DNAH10: variants seen among roughly 807,000 people sequenced by gnomAD.
DNAH10 encodes the protein axonemal beta dynein heavy chain 10.
A neutral mutation model predicts 506.6 loss-of-function variants in DNAH10; 348 were observed. The ratio of observed to expected loss-of-function variants is 0.69; its 90% CI spans 0.63 to 0.75. The LOEUF is 0.75. DNAH10 is among the 30% of genes least tolerant of loss of function. The pLI is 0.00. For synonymous variants in DNAH10, 2,059 were observed against 2,198.6 expected (o/e 0.94, Z 1.78); for missense variants, 5,179 against 5,787.1 (o/e 0.89, Z 3.41).
intron 37 of DNAH10, among the ~76,000 whole-genome samples, chr12:123,857,514 G>T (rs1296285399): frequency 6.6e-6 from 1 of 152,158 alleles, no homozygotes; most frequent in Non-Finnish European, 1.5e-5. Flanking sequence ...TGGATCACGA[G>T]GTCAAGAGAT....
Position 123,810,457 on chromosome 12 carries a change from T to C in DNAH10, c.3144+1504T>C, listed in dbSNP as rs11833937. ...CAGCACTTTGGGAGGCCGAGGTGGG[T>C]GGATCATGAGGTCAGGAGATTGAGA... On this transcript the variant is annotated intron_variant, in intron 19 of 78. Coordinates refer to ENST00000673944, the MANE Select transcript of DNAH10 (RefSeq NM_001372106.1). Among the ~76,000 whole-genome samples, 1,192 of 152,038 alleles carry C rather than the reference T, an allele frequency of 7.8e-3. 30 individuals are homozygous for C. Among genetic ancestry groups the C allele is most frequent in the African/African-American group, 0.027 (1,115 of 41,484 alleles).
rs759753915 is a variant in DNAH10, at chr12:123,924,357, T to C, written c.11691T>C (p.Leu3897=). 6.2e-7 allele frequency: 1 copy of C among 1,613,824 alleles called. No homozygotes were observed. Among genetic ancestry groups the C allele is most frequent in the South Asian group, 1.1e-5 (1 of 91,022 alleles). Residue 3897 remains leucine (L), a synonymous_variant, in exon 67 of 79, where the codon CTT becomes CTC. Transcript: ENST00000673944. The part of the protein sequence containing the change: ...LSDQGWEDII[L]LSEMFSDNFG... ...ACCAAGGATGGGAAGATATCATTCT[T>C]TTATCAGAAATGTTTTCAGACAACT...
intron 2 of DNAH10, among the ~76,000 whole-genome samples, chr12:123,769,002 G>C (rs1323580147): frequency 6.6e-6 from 1 of 152,196 alleles, no homozygotes; most frequent in African/African-American, 2.4e-5. Context: ...GCCTTCCAAA[G>C]TGTTGGGATT....
At position 123,762,787 on chromosome 12, in the gene DNAH10, C is replaced by T. The variant is rs1001987361; in HGVS notation, c.214+237C>T. ...TCAGGCCTTGATTGAAAAATCACAG[C>T]AAACACTGACTTAGCCCGCACCCCG... is the stretch of plus-strand genomic sequence containing the variant. On this transcript the variant is annotated intron_variant, in intron 1 of 78. Transcript: ENST00000673944. This position sits in a 1 kb window ranked among gnomAD's most constrained non-coding sequence, Gnocchi z 5.0. Among the ~76,000 whole-genome samples the T allele has an allele frequency of 6.6e-6, 1 of 152,368 alleles. No individual in the cohort carries two copies. The highest frequency in any genetic ancestry group is 1.5e-5 in the Non-Finnish European group (1 of 68,036).
intron 38 of DNAH10, 103 bp downstream of exon 38, chr12:123,859,371 G>A: frequency 1.0e-6 from 1 of 973,780 alleles, no homozygotes; most frequent in Non-Finnish European, 1.5e-6. Context: ...GATTTCCTGG[G>A]AGGGTAAATT....
intron 2 of DNAH10, among the ~76,000 whole-genome samples, chr12:123,771,314 C>T (rs1957244450): frequency 1.3e-5 from 2 of 152,068 alleles, no homozygotes; most frequent in Admixed American, 1.3e-4. Context: ...AGTAAAAAAC[C>T]TCAGAGAAGT....
At chr12:123,764,268 C>A (rs549817221) in intron 1 of DNAH10, among the ~76,000 whole-genome samples, 3 of 152,270 alleles carry the variant, frequency 2.0e-5, no homozygotes, top group Non-Finnish European at 4.4e-5. Context: ...ATCCCTAGTG[C>A]CATCTGGAGA....
chr12:123,845,499 C>A, intron 30 of DNAH10, 101 bp from the exon 31 acceptor site: 1 of 1,463,074 alleles, frequency 6.8e-7, no homozygotes, highest in South Asian at 1.4e-5. Context: ...TTTACTTTGC[C>A]CTCCCTATTC....
chr12:123,851,803 T>TGACAC (rs1951188246), intron 35 of DNAH10, among the ~76,000 whole-genome samples: 1 of 152,230 alleles, frequency 6.6e-6, no homozygotes, highest in Non-Finnish European at 1.5e-5. Flanking sequence ...AGACAGGGTC[T>TGACAC]TACTCTGTCA....
intron 39 of DNAH10, among the ~76,000 whole-genome samples, chr12:123,864,143 CTT>C (rs770676668): frequency 0.086 from 10,090 of 117,018 alleles, 347 homozygotes; most frequent in African/African-American, 0.14. Flanking sequence ...ACTTTTTTTT[CTT>C]TTTTTTTTTT....
In DNAH10 at chr12:123,894,705, G is replaced by T; in HGVS notation, c.9262G>T (p.Val3088Phe). The T allele has an allele frequency of 6.2e-7, 1 of 1,614,002 alleles. No homozygotes were observed. Among genetic ancestry groups the T allele is most frequent in the Non-Finnish European group, 8.5e-7 (1 of 1,179,874 alleles). Residue 3088 changes from valine (V) to phenylalanine (F), a missense_variant, in exon 54 of 79, where the codon GTC becomes TTC. Coordinates refer to ENST00000673944, the MANE Select transcript of DNAH10 (RefSeq NM_001372106.1). Reference sequence around the variant, plus strand: ...CTGGCCTCCCCAAGCCCTCCATGCGGTCGCAAAGTCCTTTCTAGGTAAGTC... The same window carrying T: ...CTGGCCTCCCCAAGCCCTCCATGCGTTCGCAAAGTCCTTTCTAGGTAAGTC... ...MPWPPQALHA[V>F]AKSFLGYNPM... is the part of the protein sequence containing the mutation.
chr12:123,834,300 C>A (rs560636322), intron 27 of DNAH10, among the ~76,000 whole-genome samples: 1 of 152,060 alleles, frequency 6.6e-6, no homozygotes, highest in African/African-American at 2.4e-5. Context: ...CTCTGCCAGC[C>A]GGATTCAAGT....
chr12:123,784,805 A>G (rs1004682381), intron 8 of DNAH10, among the ~76,000 whole-genome samples: 9 of 152,166 alleles, frequency 5.9e-5, no homozygotes, highest in Admixed American at 5.9e-4. Context: ...TGACTACTCT[A>G]GGGACTTCAT....
chr12:123,847,880 G>A, intron 32 of DNAH10, 81 bp from the exon 33 acceptor site: 1 of 1,520,214 alleles, frequency 6.6e-7, no homozygotes, highest in Non-Finnish European at 8.9e-7. Flanking sequence ...TGCACCTATA[G>A]TCACAGTGAT....
Position 123,857,232 on chromosome 12 carries a change from G to T in DNAH10, c.6615G>T (p.Ala2205=). The T allele has an allele frequency of 1.3e-6, 2 of 1,566,292 alleles. No homozygotes were observed. The highest frequency in any genetic ancestry group is 1.7e-6 in the Non-Finnish European group (2 of 1,153,302). Residue 2205 remains alanine (A), a synonymous_variant, in exon 37 of 79, where the codon GCG becomes GCT. Coordinates refer to ENST00000673944, the MANE Select transcript of DNAH10 (RefSeq NM_001372106.1). ...AGGTCCTGGAGGAGAACGGCTACGC[G>T]GTCCTACCCATCCAGGTAAAGCCAG... ...VEQVLEENGY[A]VLPIQVDKVV...
rs182386169 is a variant in DNAH10 at position 123,914,529 on chromosome 12, C to T, written c.10553C>T (p.Thr3518Met). 1.4e-4 allele frequency: 222 copies of T among 1,613,234 alleles called. 1 individual carries two copies. The East Asian group carries it at 3.6e-3, about 26-fold the overall frequency. Residue 3518 changes from threonine to methionine, a missense_variant, in exon 61 of 79, where the codon ACG (threonine) becomes ATG (methionine). Transcript: ENST00000673944. ...SQPFRLESLL[T>M]DDVEISRWGS... ...CCTTTCCGGCTGGAAAGCCTGCTCA[C>T]GGATGATGTTGAGATCAGCAGGTGT...
chr12:123,930,470 C>G lies in DNAH10; in HGVS notation c.12681C>G (p.Tyr4227Ter). 1 of 1,610,396 alleles carries G rather than the reference C, an allele frequency of 6.2e-7. No homozygotes were observed. Among genetic ancestry groups the G allele is most frequent in the Non-Finnish European group, 8.5e-7 (1 of 1,178,644 alleles). Residue 4227 changes from tyrosine to a stop codon, truncating the protein, a stop_gained, in exon 73 of 79, where the codon TAC becomes TAG. Transcript: ENST00000673944. LOFTEE classifies it high-confidence loss of function. ...TCCTGACCATCTACATGGATGAGTA[C>G]CTGGGGGACTTCATTTTTGATACTT... ...RRILTIYMDE[Y>*]LGDFIFDTFQ... is the part of the protein sequence containing the mutation.
chr12:123,889,649 G>A (rs1489054894), intron 52 of DNAH10, among the ~76,000 whole-genome samples: 3 of 152,196 alleles, frequency 2.0e-5, no homozygotes, highest in African/African-American at 4.8e-5. Context: ...CAGGGAAGGC[G>A]TCACTGTAGA....
At chr12:123,912,639 G>A (rs935990026) in intron 59 of DNAH10, among the ~76,000 whole-genome samples, 7 of 152,166 alleles carry the variant, frequency 4.6e-5, no homozygotes, top group Admixed American at 3.3e-4. Context: ...AAAACCTACC[G>A]CAGTTGAGAG....
Sources: allele counts gnomAD v4.1 joint callset (sites outside exome capture counted in the v4.1 genomes callset), GRCh38; gene constraint gnomAD v4.1.1; non-coding constraint Gnocchi (gnomAD v3.1); transcripts MANE v1.5; gene names NCBI Gene and HGNC (gene_info 2026-07-23, HGNC 2026-07-21).